RIMS1: variants seen among roughly 807,000 people sequenced by gnomAD.
The protein encoded by RIMS1 is regulating synaptic membrane exocytosis 1.
RIMS1 carries 83 observed loss-of-function variants against 214.1 expected under a neutral mutation model. That is an observed-to-expected ratio of 0.39 (90% CI 0.32 to 0.47). RIMS1 has a LOEUF of 0.47. RIMS1 is among the 20% of genes least tolerant of loss of function. The probability of loss-of-function intolerance (pLI) is 0.99; values close to 1 mark genes in which losing one functional copy is unlikely to be tolerated. For missense variants in RIMS1, 2,050 were observed against 2,161.8 expected, an observed-to-expected ratio of 0.95 and a Z score of 1.03; for synonymous variants, 793 against 786.8, an observed-to-expected ratio of 1.01 and a Z score of -0.13.
At chr6:71,933,271 C>G (rs1262602008) in intron 1 of RIMS1, among the ~76,000 whole-genome samples, 1 of 152,022 alleles carries the variant, frequency 6.6e-6, no homozygotes, top group Non-Finnish European at 1.5e-5. Flanking sequence ...CTCATGTACC[C>G]TAGTAGGTTT....
chr6:71,943,284 G>A (rs1030032216), intron 1 of RIMS1, among the ~76,000 whole-genome samples: 4 of 152,060 alleles, frequency 2.6e-5, no homozygotes, highest in Non-Finnish European at 5.9e-5. Context: ...CATTATACTG[G>A]TGATCAATCA....
At chr6:71,968,050 A>G in intron 1 of RIMS1, among the ~76,000 whole-genome samples, 1 of 152,234 alleles carries the variant, frequency 6.6e-6, no homozygotes, top group East Asian at 1.9e-4. Context: ...CCAGATTCAT[A>G]TTTGAAGCCT....
At chr6:71,976,239 T>C (rs182687609) in intron 2 of RIMS1, among the ~76,000 whole-genome samples, 47 of 152,306 alleles carry the variant, frequency 3.1e-4, no homozygotes, top group African/African-American at 1.0e-3. Flanking sequence ...TTTTATATTA[T>C]GGACATCCCA....
At chr6:72,379,266 T>C (rs975199442) in intron 29 of RIMS1, among the ~76,000 whole-genome samples, 2 of 152,256 alleles carry the variant, frequency 1.3e-5, no homozygotes, top group African/African-American at 4.8e-5. Context: ...GCGACTCCTT[T>C]ATGTCAGAGG....
At chr6:72,338,849 AAGAGAGAGAG>A (rs59731805) in intron 29 of RIMS1, among the ~76,000 whole-genome samples, 1,920 of 138,750 alleles carry the variant, frequency 0.014, 26 homozygotes, top group African/African-American at 0.032. Flanking sequence ...CCAACTTGTG[AAGAGAGAGAG>A]AGAGAGAGAG....
intron 2 of RIMS1, among the ~76,000 whole-genome samples, chr6:72,014,456 T>C (rs1812013831): frequency 6.6e-6 from 1 of 152,272 alleles, no homozygotes; most frequent in African/African-American, 2.4e-5. Flanking sequence ...TCTTTTTTAT[T>C]GCTGGATAAT....
At chr6:72,268,784 G>A (rs1383814819) in intron 22 of RIMS1, among the ~76,000 whole-genome samples, 2 of 152,176 alleles carry the variant, frequency 1.3e-5, no homozygotes, top group African/African-American at 2.4e-5. Flanking sequence ...TGATTACACA[G>A]ATGGAAAACA....
chr6:72,208,346 G>A (rs958925318), intron 6 of RIMS1, among the ~76,000 whole-genome samples: 5 of 152,084 alleles, frequency 3.3e-5, no homozygotes, highest in African/African-American at 1.2e-4. Context: ...TTGGTCCTTG[G>A]TCAGTGATAC....
chr6:72,186,975 C>T lies in RIMS1; in HGVS notation c.1678+3826C>T, dbSNP rs986419731. Among the ~76,000 whole-genome samples, 6 of 152,018 alleles carry T rather than the reference C, an allele frequency of 3.9e-5. 1 individual carries two copies. Among genetic ancestry groups the T allele is most frequent in the Admixed American group, 2.0e-4 (3 of 15,264 alleles). On this transcript the variant is annotated intron_variant, in intron 6 of 33. Coordinates refer to ENST00000521978, the MANE Select transcript of RIMS1 (RefSeq NM_014989.7). Reference sequence around the variant, plus strand: ...GTGAAACCCCATCTCTACTAAAATACAAAAAATTAGCCAGGTGTGGTGGCA... The same window carrying T: ...GTGAAACCCCATCTCTACTAAAATATAAAAAATTAGCCAGGTGTGGTGGCA...
At chr6:72,313,713 T>C in intron 28 of RIMS1, 41 bp downstream of exon 28, 1 of 1,543,314 alleles carries the variant, frequency 6.5e-7, no homozygotes. Flanking sequence ...GATCTTTATC[T>C]GTGATATAAA....
At chr6:72,341,222 C>G (rs549684047) in intron 29 of RIMS1, among the ~76,000 whole-genome samples, 75 of 152,016 alleles carry the variant, frequency 4.9e-4, no homozygotes, top group Admixed American at 7.9e-4. Context: ...ATCATGTCAT[C>G]TGCAAACAGG....
At chr6:72,347,485 T>G (rs967491503) in intron 29 of RIMS1, among the ~76,000 whole-genome samples, 5 of 151,940 alleles carry the variant, frequency 3.3e-5, no homozygotes. Flanking sequence ...TTTATAGATA[T>G]GAACTTATTT....
chr6:72,037,193 G>A (rs991452758), intron 2 of RIMS1, among the ~76,000 whole-genome samples: 4 of 151,944 alleles, frequency 2.6e-5, no homozygotes, highest in African/African-American at 4.8e-5. Context: ...CTGAGGTGAC[G>A]GGAGGATTTT....
intron 4 of RIMS1, among the ~76,000 whole-genome samples, chr6:72,102,876 T>C (rs1353948055): frequency 6.6e-6 from 1 of 152,136 alleles, no homozygotes; most frequent in Non-Finnish European, 1.5e-5. Context: ...TTATGAAAAG[T>C]CTTCTCAGAG....
At chr6:72,057,911 C>T (rs1391582765) in intron 2 of RIMS1, among the ~76,000 whole-genome samples, 1 of 152,210 alleles carries the variant, frequency 6.6e-6, no homozygotes, top group East Asian at 1.9e-4. Flanking sequence ...AGACACCAGC[C>T]AGAATAACAA....
chr6:72,324,599 T>A (rs16882300), intron 28 of RIMS1, among the ~76,000 whole-genome samples: 2,835 of 151,958 alleles, frequency 0.019, 133 homozygotes, highest in East Asian at 0.15. Flanking sequence ...ATGTACTCAG[T>A]AAAAATTACC....
chr6:72,214,092 A>C (rs1288218872), intron 6 of RIMS1, among the ~76,000 whole-genome samples: 1 of 152,206 alleles, frequency 6.6e-6, no homozygotes, highest in African/African-American at 2.4e-5. Flanking sequence ...TATGCATGAA[A>C]GCTCATAGTA....
intron 22 of RIMS1, among the ~76,000 whole-genome samples, chr6:72,271,219 TG>T (rs2082918293): frequency 6.9e-6 from 1 of 143,902 alleles, no homozygotes; most frequent in South Asian, 2.2e-4. Flanking sequence ...TGAGCCAAGA[TG>T]GTGCCACTGC....
rs190576264 is a variant in RIMS1, at chr6:71,909,883, G to A, written c.164+22696G>A. Among the ~76,000 whole-genome samples the A allele has an allele frequency of 2.9e-3, 442 of 152,206 alleles. 5 individuals carry two copies. The South Asian group carries it at 0.038, about 13-fold the overall frequency. On this transcript the variant is annotated intron_variant, in intron 1 of 33. Transcript: ENST00000521978. The stretch of plus-strand genomic sequence containing the variant: ...TTTGCTTGCTGGCACAACAATCTGC[G>A]TATTGTTGGTGTGATCCTGTCTGCC...
Sources: gnomAD v4.1 joint callset for allele counts (sites outside exome capture counted in the v4.1 genomes callset) on GRCh38, gnomAD v4.1.1 for gene constraint, MANE v1.5 for transcripts, NCBI Gene and HGNC (gene_info 2026-07-23, HGNC 2026-07-21) for gene names.